Variants in STAU2 observed in about 807,000 individuals in gnomAD.
STAU2 encodes the protein staufen double-stranded RNA binding protein 2.
In STAU2, 20 loss-of-function variants were observed where a neutral mutation model predicts 65.9. The observed-to-expected ratio is 0.30, with a 90% CI of 0.21 to 0.44. The LOEUF is 0.44. STAU2 is among the 20% of genes least tolerant of loss of function. STAU2 has a pLI of 1.00. For synonymous variants in STAU2, 232 were observed against 233.9 expected, an observed-to-expected ratio of 0.99 and a Z score of 0.07; for missense variants, 558 against 683.9, an observed-to-expected ratio of 0.82 and a Z score of 2.05.
chr8:73,549,449 T>A (rs1807165680), intron 13 of STAU2, among the ~76,000 whole-genome samples: 1 of 152,170 alleles, frequency 6.6e-6, no homozygotes, highest in African/African-American at 2.4e-5. Flanking sequence ...GTTTTATTAA[T>A]AACTTTAATT....
intron 13 of STAU2, among the ~76,000 whole-genome samples, chr8:73,436,973 T>G (rs1200534652): frequency 6.6e-6 from 1 of 152,202 alleles, no homozygotes; most frequent in Non-Finnish European, 1.5e-5. Context: ...TACATGCCAT[T>G]AACACACCTA....
At chr8:73,518,787 T>C (rs1420732147) in intron 13 of STAU2, among the ~76,000 whole-genome samples, 1 of 152,164 alleles carries the variant, frequency 6.6e-6, no homozygotes, top group Non-Finnish European at 1.5e-5. Flanking sequence ...CTGCTGTAAT[T>C]TTGTTTAAGA....
At chr8:73,708,228 G>A (rs1820652717) in intron 4 of STAU2, among the ~76,000 whole-genome samples, 1 of 152,172 alleles carries the variant, frequency 6.6e-6, no homozygotes, top group South Asian at 2.1e-4. Flanking sequence ...ATGCCAGGAT[G>A]CAAATAACCT....
At chr8:73,683,069 T>C (rs756522128) in intron 5 of STAU2, among the ~76,000 whole-genome samples, 7 of 152,120 alleles carry the variant, frequency 4.6e-5, no homozygotes, top group African/African-American at 7.2e-5. Context: ...ATTGGCACTA[T>C]TCCAAAAGAC....
At chr8:73,482,300 CA>C (rs1360491496) in intron 13 of STAU2, among the ~76,000 whole-genome samples, 1 of 149,666 alleles carries the variant, frequency 6.7e-6, no homozygotes, top group African/African-American at 2.5e-5. Flanking sequence ...GCTACAACTT[CA>C]AAAAAAATAA....
chr8:73,618,710 G>A (rs890380483), intron 6 of STAU2, among the ~76,000 whole-genome samples: 4 of 152,222 alleles, frequency 2.6e-5, no homozygotes, highest in South Asian at 2.1e-4. Context: ...TGGAAGCAAG[G>A]ATATCTAATA....
intron 12 of STAU2, among the ~76,000 whole-genome samples, chr8:73,557,417 T>C (rs1807872285): frequency 6.6e-6 from 1 of 152,192 alleles, no homozygotes; most frequent in African/African-American, 2.4e-5. Context: ...GATCTTCCTG[T>C]TGTAAATTTA....
At chr8:73,560,302 G>T (rs576028419) in intron 12 of STAU2, among the ~76,000 whole-genome samples, 1 of 151,916 alleles carries the variant, frequency 6.6e-6, no homozygotes, top group Non-Finnish European at 1.5e-5. Flanking sequence ...GGATGTTCTC[G>T]ATCTCCTGAC....
intron 6 of STAU2, 132 bp downstream of exon 6, chr8:73,672,975 C>T: frequency 1.2e-6 from 1 of 805,192 alleles, no homozygotes; most frequent in Non-Finnish European, 1.7e-6. Flanking sequence ...TGTGAACCTG[C>T]TTTATCTAAA....
rs1485229321 is a variant in STAU2 at position 73,714,235 on chromosome 8, C to T, written c.-17-5073G>A. 2.0e-5 allele frequency among the ~76,000 whole-genome samples: 3 copies of T among 152,096 alleles called. No homozygotes were observed. In the South Asian group the frequency reaches 6.2e-4, roughly 32 times the overall value. ...CAGTTTCTATGTCTCTTTACTGGTTCCCCTTTCTCTATTCTCTGCTATTGG... is the reference window on the plus strand; with the variant it reads ...CAGTTTCTATGTCTCTTTACTGGTTTCCCTTTCTCTATTCTCTGCTATTGG... On this transcript the variant is annotated intron_variant, in intron 3 of 14. Coordinates refer to ENST00000524300, the MANE Select transcript of STAU2 (RefSeq NM_001164380.2).
At chr8:73,688,531 T>C (rs1451381453) in intron 5 of STAU2, 123 bp downstream of exon 5, 1 of 750,750 alleles carries the variant, frequency 1.3e-6, no homozygotes, top group Non-Finnish European at 2.2e-6. Context: ...TGTGTGTGTG[T>C]AGGTATGGGC....
In STAU2 at chr8:73,715,192, T is replaced by C. The variant is rs1405330014; in HGVS notation, c.-17-6030A>G. ...GAAAAAAGGGCAAAGTTACACACAA[T>C]TCACATAATTTCTTGAGTAAATATA... On this transcript the variant is annotated intron_variant, in intron 3 of 14. Coordinates refer to ENST00000524300, the MANE Select transcript of STAU2 (RefSeq NM_001164380.2). Among the ~76,000 whole-genome samples the C allele has an allele frequency of 4.6e-5, 7 of 151,716 alleles. No individual in the cohort carries two copies. In the South Asian group the frequency reaches 1.3e-3, roughly 27 times the overall value.
At chr8:73,486,513 T>C (rs1820913666) in intron 13 of STAU2, among the ~76,000 whole-genome samples, 1 of 151,658 alleles carries the variant, frequency 6.6e-6, no homozygotes, top group African/African-American at 2.4e-5. Flanking sequence ...TTTTGCATAT[T>C]ATCAACTAGC....
At chr8:73,477,227 C>T (rs549965137) in intron 13 of STAU2, among the ~76,000 whole-genome samples, 2 of 152,192 alleles carry the variant, frequency 1.3e-5, no homozygotes, top group African/African-American at 4.8e-5. Context: ...ACAGACCCAT[C>T]ATTCTTGTTA....
At chr8:73,472,452 A>G (rs1255294669) in intron 13 of STAU2, among the ~76,000 whole-genome samples, 1 of 152,198 alleles carries the variant, frequency 6.6e-6, no homozygotes, top group Non-Finnish European at 1.5e-5. Context: ...AGTAAAATAC[A>G]TTATTTTTTT....
intron 13 of STAU2, among the ~76,000 whole-genome samples, chr8:73,436,691 A>G (rs890869339): frequency 6.6e-6 from 1 of 151,594 alleles, no homozygotes; most frequent in African/African-American, 2.4e-5. Flanking sequence ...GGTTCAAGCA[A>G]TTCTCCCTCC....
intron 13 of STAU2, chr8:73,551,190 A>T: frequency 1.0e-6 from 1 of 987,576 alleles, no homozygotes; most frequent in East Asian, 1.1e-4. Context: ...TAGAGTTTAC[A>T]ATTCTTTCAA....
chr8:73,722,736 A>G (rs1325935182), intron 3 of STAU2, among the ~76,000 whole-genome samples: 1 of 152,196 alleles, frequency 6.6e-6, no homozygotes, highest in Admixed American at 6.5e-5. Context: ...ATGTACAGTA[A>G]GTCCTCACTT....
chr8:73,513,970 T>A (rs1413183512), intron 13 of STAU2, among the ~76,000 whole-genome samples: 1 of 152,230 alleles, frequency 6.6e-6, no homozygotes, highest in Admixed American at 6.5e-5. Context: ...ATAGTTTGTC[T>A]ATGAATAAAT....
Sources: allele counts gnomAD v4.1 joint callset (sites outside exome capture counted in the v4.1 genomes callset), GRCh38; gene constraint gnomAD v4.1.1; transcripts MANE v1.5; gene names NCBI Gene and HGNC (gene_info 2026-07-23, HGNC 2026-07-21).